The following NAV3 variants were observed in gnomAD, a reference collection of about 807,000 sequenced individuals.
NAV3 encodes the protein neuron navigator 3.
NAV3 carries 87 observed loss-of-function variants against 244.7 expected under a neutral mutation model. The ratio of observed to expected loss-of-function variants is 0.36; its 90% CI spans 0.30 to 0.42. The LOEUF (loss-of-function observed/expected upper bound fraction) is 0.42. Ranked by LOEUF, NAV3 falls within the 20% of genes least tolerant of loss-of-function variation. The pLI is 1.00. For missense variants in NAV3, 2,663 were observed against 2,893.3 expected, an observed-to-expected ratio of 0.92 and a Z score of 1.83; for synonymous variants, 1,126 against 1,042.2, an observed-to-expected ratio of 1.08 and a Z score of -1.55.
At chr12:77,595,759 A>T (rs1190851974) in intron 2 of NAV3, among the ~76,000 whole-genome samples, 1 of 152,164 alleles carries the variant, frequency 6.6e-6, no homozygotes, top group Non-Finnish European at 1.5e-5. Context: ...TACCTTCATA[A>T]TTTATACTTA....
chr12:78,075,032 A>G (rs568630900), intron 12 of NAV3, among the ~76,000 whole-genome samples: 1 of 152,288 alleles, frequency 6.6e-6, no homozygotes, highest in East Asian at 1.9e-4. Flanking sequence ...TTAAATATTG[A>G]GAAGAACTTT....
At chr12:77,865,526 T>G (rs1305146443) in intron 1 of NAV3, among the ~76,000 whole-genome samples, 1 of 152,066 alleles carries the variant, frequency 6.6e-6, no homozygotes, top group Non-Finnish European at 1.5e-5. Context: ...GTTTAACCCC[T>G]TTGAAATCTA....
chr12:78,147,048 A>T lies in NAV3; in HGVS notation c.4707+656A>T, dbSNP rs575478012. Among the ~76,000 whole-genome samples, 275 of 152,224 alleles carry T rather than the reference A, an allele frequency of 1.8e-3. 1 individual carries two copies. The highest frequency in any genetic ancestry group is 6.3e-3 in the African/African-American group (262 of 41,566). ...GGTAATGGCTGTTTGATTGGTTTAC[A>T]CTGAGGCAATCAGACAACAGAGAAA... On this transcript the variant is annotated intron_variant, in intron 21 of 39. Transcript: ENST00000397909.
At chr12:77,621,892 C>T (rs933513091) in intron 2 of NAV3, among the ~76,000 whole-genome samples, 4 of 151,900 alleles carry the variant, frequency 2.6e-5, no homozygotes, top group Admixed American at 6.6e-5. Context: ...TTTCACTACC[C>T]GATATTTTAT....
At chr12:77,780,939 T>C in intron 2 of NAV3, among the ~76,000 whole-genome samples, 1 of 152,284 alleles carries the variant, frequency 6.6e-6, no homozygotes, top group South Asian at 2.1e-4. Flanking sequence ...ATTGTATCCA[T>C]GAGGAGTGGT....
Position 77,725,049 on chromosome 12 carries a change from AT to A in NAV3, c.72+152784del, listed in dbSNP as rs1400463954. 3.3e-4 allele frequency among the ~76,000 whole-genome samples: 50 copies of A among 152,148 alleles called. No homozygotes were observed. In the Middle Eastern group the frequency reaches 0.014, roughly 41 times the overall value. ...GTCTTTAAGCTTTCCTAAGTAAAAAATATCACCAGGTGTCTGTGTGTATTTT... is the reference window on the plus strand; with the variant it reads ...GTCTTTAAGCTTTCCTAAGTAAAAAAATCACCAGGTGTCTGTGTGTATTTT... On this transcript the variant is annotated intron_variant, in intron 2 of 8. Coordinates refer to the NAV3 transcript ENST00000550042.
At chr12:78,096,800 C>A (rs1422808021) in intron 12 of NAV3, among the ~76,000 whole-genome samples, 3 of 152,110 alleles carry the variant, frequency 2.0e-5, no homozygotes, top group Non-Finnish European at 4.4e-5. Context: ...GAAGTTCTTT[C>A]TTTGTTACTG....
intron 5 of NAV3, among the ~76,000 whole-genome samples, chr12:77,975,858 G>T: frequency 6.6e-6 from 1 of 152,172 alleles, no homozygotes; most frequent in African/African-American, 2.4e-5. Flanking sequence ...TGGTCATATT[G>T]GCTGCTGTGT....
rs185008081 is a variant in NAV3, at chr12:77,960,835, G to A, written c.415-5394G>A. 8.9e-3 allele frequency among the ~76,000 whole-genome samples: 1,259 copies of A among 141,864 alleles called. 19 individuals carry two copies. Among genetic ancestry groups the A allele is most frequent in the African/African-American group, 0.031 (1,204 of 39,004 alleles). The allele number at this position is 141,864 out of a possible 152,430, so 93.1% of individuals were successfully genotyped here. On this transcript the variant is annotated intron_variant, in intron 3 of 39. Transcript: ENST00000397909. ...AAAAATGCATACATGTATGGTATGT[G>A]TAATATACACATATGTATATATTAC... is the stretch of plus-strand genomic sequence containing the variant.
chr12:77,953,350 A>G (rs1265194469), intron 3 of NAV3, among the ~76,000 whole-genome samples: 1 of 152,182 alleles, frequency 6.6e-6, no homozygotes, highest in Non-Finnish European at 1.5e-5. Flanking sequence ...GTATGTTTAC[A>G]TATAAATAAT....
chr12:78,196,712 A>AC (rs1417969944), intron 34 of NAV3, among the ~76,000 whole-genome samples: 1 of 152,040 alleles, frequency 6.6e-6, no homozygotes, highest in Non-Finnish European at 1.5e-5. Context: ...TAATAAGCAT[A>AC]CTTTTATCAA....
intron 22 of NAV3, among the ~76,000 whole-genome samples, chr12:78,154,148 G>GTA (rs904174776): frequency 4.9e-4 from 66 of 134,634 alleles, no homozygotes; most frequent in East Asian, 1.7e-3. Context: ...GTGTATATAT[G>GTA]TATATATATA....
intron 2 of NAV3, among the ~76,000 whole-genome samples, chr12:77,674,058 A>T (rs1257777145): frequency 1.3e-5 from 2 of 152,174 alleles, no homozygotes; most frequent in African/African-American, 4.8e-5. Flanking sequence ...GAGTCTTAAA[A>T]TACTATTAAG....
intron 1 of NAV3, among the ~76,000 whole-genome samples, chr12:77,937,433 C>T (rs1253411976): frequency 6.6e-6 from 1 of 152,212 alleles, no homozygotes; most frequent in Admixed American, 6.5e-5. Flanking sequence ...GAACTGTTGA[C>T]ATGCATTTGG....
intron 34 of NAV3, among the ~76,000 whole-genome samples, chr12:78,196,983 T>G (rs919382865): frequency 5.3e-5 from 8 of 151,974 alleles, no homozygotes; most frequent in Non-Finnish European, 1.0e-4. Context: ...TATGCCGTCA[T>G]GTTTATACTT....
chr12:77,592,950 C>T (rs1164279560), intron 2 of NAV3, among the ~76,000 whole-genome samples: 1 of 152,132 alleles, frequency 6.6e-6, no homozygotes, highest in South Asian at 2.1e-4. Flanking sequence ...TCTCAGTGGC[C>T]TAGACAATTG....
intron 2 of NAV3, among the ~76,000 whole-genome samples, chr12:77,587,292 T>C (rs1869660949): frequency 6.6e-6 from 1 of 152,192 alleles, no homozygotes; most frequent in Admixed American, 6.5e-5. Flanking sequence ...GCCAATAAAT[T>C]AGTATCAGGA....
intron 2 of NAV3, among the ~76,000 whole-genome samples, chr12:77,624,204 G>A (rs1217965844): frequency 1.3e-5 from 2 of 152,160 alleles, no homozygotes; most frequent in Non-Finnish European, 2.9e-5. Flanking sequence ...GAAATAAAGG[G>A]TAGATACAAG....
At chr12:78,144,847 G>A (rs395361) in intron 20 of NAV3, among the ~76,000 whole-genome samples, 7,604 of 133,722 alleles carry the variant, frequency 0.057, 266 homozygotes, top group Admixed American at 0.083. Flanking sequence ...AGTAGGCCGG[G>A]CACGGTGGGC....
Sources: allele counts gnomAD v4.1 joint callset (sites outside exome capture counted in the v4.1 genomes callset), GRCh38; gene constraint gnomAD v4.1.1; transcripts MANE v1.5; gene names NCBI Gene and HGNC (gene_info 2026-07-23, HGNC 2026-07-21).